PLEKHA5: variants seen among roughly 807,000 people sequenced by gnomAD.
PLEKHA5 encodes pleckstrin homology domain containing A5, also known as pleckstrin homology domain-containing family A member 5.
PLEKHA5 carries 55 observed loss-of-function variants against 181.9 expected under a neutral mutation model. The ratio of observed to expected loss-of-function variants is 0.30; its 90% CI spans 0.24 to 0.38. The LOEUF (loss-of-function observed/expected upper bound fraction) is 0.38. Among genes scored for constraint, PLEKHA5 ranks in the 10% least tolerant of loss-of-function variants. The pLI is 1.00. For synonymous variants in PLEKHA5, 535 were observed against 529.4 expected (o/e 1.01, Z -0.15); for missense variants, 1,432 against 1,549.5 (o/e 0.92, Z 1.27).
At chr12:19,254,992 A>G (rs1348123569) in intron 4 of PLEKHA5, 53 bp from the exon 5 acceptor site, 4 of 1,509,872 alleles carry the variant, frequency 2.6e-6, no homozygotes, top group African/African-American at 1.4e-5. Flanking sequence ...AAGTGTAATT[A>G]TAAAGCGGGT....
In PLEKHA5 at chr12:19,266,846, A is replaced by G. The variant is rs532152634; in HGVS notation, c.711+996A>G. Among the ~76,000 whole-genome samples the G allele has an allele frequency of 4.6e-5, 7 of 152,268 alleles. No individual in the cohort carries two copies. In the South Asian group the frequency reaches 1.4e-3, roughly 32 times the overall value. On this transcript the variant is annotated intron_variant, in intron 8 of 31. Transcript: ENST00000429027. ...TAAGAGACAACAATATTTTTTAATA[A>G]AGATATATATATGTACCTTTATTGA...
intron 11 of PLEKHA5, among the ~76,000 whole-genome samples, chr12:19,278,459 G>GATAT (rs1204519527): frequency 1.3e-5 from 2 of 152,112 alleles, no homozygotes; most frequent in Non-Finnish European, 2.9e-5. Flanking sequence ...ATGTTTCTAT[G>GATAT]ATATAGCTCA....
chr12:19,338,464 C>A (rs1287453350), intron 21 of PLEKHA5, among the ~76,000 whole-genome samples: 13 of 151,936 alleles, frequency 8.6e-5, no homozygotes, highest in Admixed American at 6.6e-4. Context: ...TACAAAAATA[C>A]AAAAATTAGC....
At chr12:19,290,554 G>T in intron 13 of PLEKHA5, 123 bp from the exon 14 acceptor site, 1 of 714,356 alleles carries the variant, frequency 1.4e-6, no homozygotes, top group Non-Finnish European at 2.3e-6. Context: ...TAGTGCCTAG[G>T]CACTATGTTT....
intron 6 of PLEKHA5, among the ~76,000 whole-genome samples, chr12:19,259,808 T>G (rs2152589095): frequency 6.6e-6 from 1 of 151,088 alleles, no homozygotes; most frequent in East Asian, 1.9e-4. Context: ...TTTTTTTGGT[T>G]TCTTTTTTGG....
Position 19,131,553 on chromosome 12 carries a change from A to C in PLEKHA5, c.170-840A>C, listed in dbSNP as rs2033847899. 3.3e-5 allele frequency among the ~76,000 whole-genome samples: 5 copies of C among 152,340 alleles called. No individual in the cohort carries two copies. The South Asian group carries it at 1.0e-3, about 32-fold the overall frequency. On this transcript the variant is annotated intron_variant, in intron 2 of 31. Coordinates refer to ENST00000429027, the MANE Select transcript of PLEKHA5 (RefSeq NM_001256470.2). ...TTTCATGAAAGACGATATGACATTT[A>C]AATTATTTAGACTAATTATCCTATG...
chr12:19,305,701 A>G (rs781075743), intron 15 of PLEKHA5, among the ~76,000 whole-genome samples: 131 of 151,906 alleles, frequency 8.6e-4, no homozygotes, highest in Admixed American at 5.3e-4. Context: ...TCTACTAAAA[A>G]TACAAAAAAT....
intron 3 of PLEKHA5, among the ~76,000 whole-genome samples, chr12:19,163,389 G>T (rs2043449035): frequency 6.6e-6 from 1 of 152,046 alleles, no homozygotes; most frequent in South Asian, 2.1e-4. Context: ...GTGTTAGCCA[G>T]GATGGTCTCA....
At chr12:19,264,444 A>G (rs1233605206) in intron 7 of PLEKHA5, among the ~76,000 whole-genome samples, 1 of 152,198 alleles carries the variant, frequency 6.6e-6, no homozygotes, top group South Asian at 2.1e-4. Context: ...GTTTGTGACT[A>G]TACCCTTTAC....
At chr12:19,354,053 G>A (rs2094760906) in intron 26 of PLEKHA5, 51 bp downstream of exon 26, 1 of 769,296 alleles carries the variant, frequency 1.3e-6, no homozygotes, top group Non-Finnish European at 2.1e-6. Context: ...TCTATTTATT[G>A]CTTTCTTACA....
At chr12:19,295,932 T>C (rs935171434) in intron 15 of PLEKHA5, among the ~76,000 whole-genome samples, 1 of 152,198 alleles carries the variant, frequency 6.6e-6, no homozygotes, top group South Asian at 2.1e-4. Flanking sequence ...AAATATCTCT[T>C]TTAAAAATGT....
chr12:19,369,422 A>G (rs948609219), intron 30 of PLEKHA5, among the ~76,000 whole-genome samples: 1 of 152,124 alleles, frequency 6.6e-6, no homozygotes, highest in Non-Finnish European at 1.5e-5. Context: ...GGCTGGGCAC[A>G]TAATCCCAAC....
intron 15 of PLEKHA5, among the ~76,000 whole-genome samples, chr12:19,302,906 A>ATTTAT (rs2081985905): frequency 1.9e-5 from 1 of 53,966 alleles, no homozygotes; most frequent in Non-Finnish European, 3.2e-5. Context: ...TCTGTATGAA[A>ATTTAT]TTTTTTTTTT....
chr12:19,337,155 A>G (rs914555311), intron 21 of PLEKHA5, among the ~76,000 whole-genome samples: 1 of 151,448 alleles, frequency 6.6e-6, no homozygotes, highest in Non-Finnish European at 1.5e-5. Flanking sequence ...GCCTTATTAG[A>G]ATAGGGGAAG....
intron 3 of PLEKHA5, among the ~76,000 whole-genome samples, chr12:19,162,064 A>G (rs1323488340): frequency 6.6e-6 from 1 of 152,180 alleles, no homozygotes; most frequent in African/African-American, 2.4e-5. Context: ...ATGCATCCAT[A>G]ATGGAAGGAA....
At chr12:19,373,858 T>G (rs1402488071) in intron 31 of PLEKHA5, among the ~76,000 whole-genome samples, 1 of 152,194 alleles carries the variant, frequency 6.6e-6, no homozygotes, top group Non-Finnish European at 1.5e-5. Flanking sequence ...TGTACACATA[T>G]CCTTCCAATA....
intron 20 of PLEKHA5, among the ~76,000 whole-genome samples, chr12:19,330,553 A>C (rs1318321887): frequency 6.6e-6 from 1 of 152,126 alleles, no homozygotes; most frequent in Non-Finnish European, 1.5e-5. Context: ...AAGCAGTTAC[A>C]TGACAAGTAT....
intron 3 of PLEKHA5, among the ~76,000 whole-genome samples, chr12:19,209,745 C>G (rs371491281): frequency 1.2e-3 from 180 of 152,298 alleles, no homozygotes; most frequent in Middle Eastern, 3.4e-3. Context: ...CTGGCCAAGA[C>G]CAAAGATCAC....
chr12:19,343,217 C>T, intron 21 of PLEKHA5, 106 bp from the exon 22 acceptor site: 1 of 611,404 alleles, frequency 1.6e-6, no homozygotes, highest in Non-Finnish European at 2.7e-6. Context: ...ACTTAATTCA[C>T]TGCAATTTGC....
Sources: gnomAD v4.1 joint callset for allele counts (sites outside exome capture counted in the v4.1 genomes callset) on GRCh38, gnomAD v4.1.1 for gene constraint, MANE v1.5 for transcripts, NCBI Gene and HGNC (gene_info 2026-07-23, HGNC 2026-07-21) for gene names.